The following ABCC4 variants were observed in gnomAD, a reference collection of about 807,000 sequenced individuals.
ABCC4 encodes ATP binding cassette subfamily C member 4 (PEL blood group), also known as ATP-binding cassette sub-family C member 4.
In ABCC4, 102 loss-of-function variants were observed where a neutral mutation model predicts 168.5. The ratio of observed to expected loss-of-function variants is 0.61; its 90% CI spans 0.52 to 0.71. The LOEUF (loss-of-function observed/expected upper bound fraction) is 0.71. Among genes scored for constraint, ABCC4 ranks in the 30% least tolerant of loss-of-function variants. The pLI is 0.00. For synonymous variants in ABCC4, 617 were observed against 590.7 expected, an observed-to-expected ratio of 1.04 and a Z score of -0.65; for missense variants, 1,402 against 1,605.8, an observed-to-expected ratio of 0.87 and a Z score of 2.17.
At chr13:95,251,105 G>A (rs1181344077) in intron 1 of ABCC4, among the ~76,000 whole-genome samples, 1 of 152,090 alleles carries the variant, frequency 6.6e-6, no homozygotes, top group Non-Finnish European at 1.5e-5. Flanking sequence ...GTTTCTTAAT[G>A]TGGTATAAGA....
Position 95,206,623 on chromosome 13 carries a change from A to G in ABCC4, c.1070T>C (p.Leu357Pro). 4 of 1,614,152 alleles carry G rather than the reference A, an allele frequency of 2.5e-6. No individual in the cohort carries two copies. Among genetic ancestry groups the G allele is most frequent in the Non-Finnish European group, 3.4e-6 (4 of 1,180,018 alleles). Residue 357 changes from leucine to proline, a missense_variant, in exon 8 of 31, where the codon CTG becomes CCG. Coordinates refer to ENST00000645237, the MANE Select transcript of ABCC4 (RefSeq NM_005845.5). The part of the protein sequence containing the change: ...TASRVFVAVT[L>P]YGAVRLTVTL... ...AACCGTCAGCCGCACAGCCCCATAC[A>G]GCGTCACTGCCACGAACACGCGGCT...
chr13:95,030,116 G>C (rs899410304), intron 30 of ABCC4, among the ~76,000 whole-genome samples: 1 of 152,016 alleles, frequency 6.6e-6, no homozygotes, highest in African/African-American at 2.4e-5. Flanking sequence ...CATCTCCTGG[G>C]TTCAAGTGAT....
chr13:95,218,437 A>AGGG (rs1465730277), intron 4 of ABCC4, among the ~76,000 whole-genome samples: 4 of 152,250 alleles, frequency 2.6e-5, no homozygotes, highest in Non-Finnish European at 4.4e-5. Flanking sequence ...GAAAATGTCC[A>AGGG]TCCAAAATCA....
intron 29 of ABCC4, among the ~76,000 whole-genome samples, chr13:95,038,979 T>G (rs905434682): frequency 6.6e-6 from 1 of 152,058 alleles, no homozygotes; most frequent in African/African-American, 2.4e-5. Flanking sequence ...ACAGCAGGAA[T>G]GAGGGCAGAG....
Position 95,209,325 on chromosome 13 carries a change from A to G in ABCC4, c.785+109T>C. 1.0e-5 allele frequency: 13 copies of G among 1,287,368 alleles called. 1 individual carries two copies. The South Asian group carries it at 1.9e-4, about 19-fold the overall frequency. 79.7% of individuals were successfully genotyped at this position (1,287,368 alleles called of 1,614,324 possible). On this transcript the variant is annotated intron_variant, in intron 6 of 30. Transcript: ENST00000645237. ...GAGCCTGAAGAGCTGCAACATATGC[A>G]AGGAAGAGATAATAAAAGGCATTTA...
At position 95,182,854 on chromosome 13, in the gene ABCC4, G is replaced by C. The variant is rs1170866552; in HGVS notation, c.1545+3847C>G. 3.3e-5 allele frequency among the ~76,000 whole-genome samples: 5 copies of C among 152,048 alleles called. No homozygotes were observed. In the South Asian group the frequency reaches 6.2e-4, roughly 19 times the overall value. On this transcript the variant is annotated intron_variant, in intron 11 of 30. Coordinates refer to ENST00000645237, the MANE Select transcript of ABCC4 (RefSeq NM_005845.5). ...CTAACATTAGTATGTTGTTTCCTGAGGTATGTCCTGTCATTTGCTACGATA... is the reference window on the plus strand; with the variant it reads ...CTAACATTAGTATGTTGTTTCCTGACGTATGTCCTGTCATTTGCTACGATA...
chr13:95,054,675 C>G (rs2032988559), intron 26 of ABCC4, among the ~76,000 whole-genome samples: 1 of 152,166 alleles, frequency 6.6e-6, no homozygotes, highest in African/African-American at 2.4e-5. Context: ...AGGGGATGCA[C>G]AGATGTGGGA....
intron 8 of ABCC4, among the ~76,000 whole-genome samples, chr13:95,197,698 T>C (rs188232082): frequency 6.6e-5 from 10 of 152,272 alleles, no homozygotes; most frequent in East Asian, 1.9e-4. Context: ...GAGTGGACGG[T>C]TGGCAAAAAC....
chr13:95,297,451 T>C (rs2041566224), intron 1 of ABCC4, among the ~76,000 whole-genome samples: 1 of 152,160 alleles, frequency 6.6e-6, no homozygotes, highest in Non-Finnish European at 1.5e-5. Flanking sequence ...ATTGGCATCA[T>C]TTAGGTAGGC....
chr13:95,089,418 G>T (rs2034357869), intron 20 of ABCC4, among the ~76,000 whole-genome samples: 1 of 152,118 alleles, frequency 6.6e-6, no homozygotes, highest in Non-Finnish European at 1.5e-5. Context: ...AGGAGTTTGA[G>T]ACCAGCCTGG....
Position 95,043,509 on chromosome 13 carries a change from T to A in ABCC4, c.3735+173A>T, listed in dbSNP as rs2032448325. 1.5e-5 allele frequency: 8 copies of A among 521,374 alleles called. No individual in the cohort carries two copies. In the East Asian group the frequency reaches 2.3e-4, roughly 15 times the overall value. 32.3% of individuals were successfully genotyped at this position (521,374 alleles called of 1,614,324 possible). A position where few individuals can be genotyped will look rare whatever the true frequency, so the allele number is the denominator to read the frequency against. ...TATGCAAAGAGATACATTGGATATA[T>A]TGTTAGTAGCACTGAGGGTGTAGTT... On this transcript the variant is annotated intron_variant, in intron 29 of 30. Coordinates refer to ENST00000645237, the MANE Select transcript of ABCC4 (RefSeq NM_005845.5).
intron 19 of ABCC4, among the ~76,000 whole-genome samples, chr13:95,139,373 C>T (rs1197866657): frequency 6.6e-6 from 1 of 152,112 alleles, no homozygotes; most frequent in Admixed American, 6.5e-5. Context: ...AAATAAATAC[C>T]CAGTGGTCAA....
At chr13:95,284,844 A>G (rs2041220283) in intron 1 of ABCC4, among the ~76,000 whole-genome samples, 1 of 152,112 alleles carries the variant, frequency 6.6e-6, no homozygotes, top group Non-Finnish European at 1.5e-5. Flanking sequence ...AAATAATAGT[A>G]CCCACCCCAA....
chr13:95,188,730 C>T (rs1425497969), intron 9 of ABCC4, among the ~76,000 whole-genome samples, 188 bp from the exon 10 acceptor site: 1 of 152,052 alleles, frequency 6.6e-6, no homozygotes, highest in Non-Finnish European at 1.5e-5. Context: ...GGGTTTTACA[C>T]AGTTTGGAGT....
chr13:95,225,153 T>TCACA (rs61398515), intron 4 of ABCC4, among the ~76,000 whole-genome samples: 151 of 35,246 alleles, frequency 4.3e-3, no homozygotes, highest in Non-Finnish European at 4.4e-3. Context: ...TCTCTCTCTC[T>TCACA]CACACACACA....
At chr13:95,152,973 C>T (rs767400758) in intron 19 of ABCC4, among the ~76,000 whole-genome samples, 12 of 152,244 alleles carry the variant, frequency 7.9e-5, no homozygotes, top group Non-Finnish European at 1.6e-4. Flanking sequence ...ACAACTTCCA[C>T]TTAGTGTCCA....
intron 19 of ABCC4, among the ~76,000 whole-genome samples, chr13:95,138,698 T>G (rs902995537): frequency 6.6e-6 from 1 of 152,210 alleles, no homozygotes; most frequent in Non-Finnish European, 1.5e-5. Context: ...TCCCTATTTT[T>G]ACTCTTAATA....
At chr13:95,213,928 C>T (rs1484425901) in intron 4 of ABCC4, among the ~76,000 whole-genome samples, 2 of 151,750 alleles carry the variant, frequency 1.3e-5, no homozygotes, top group African/African-American at 4.8e-5. Flanking sequence ...AAAATGTGAC[C>T]TGTAATCAAA....
intron 24 of ABCC4, 88 bp downstream of exon 24, chr13:95,073,116 C>A: frequency 4.0e-6 from 4 of 1,004,562 alleles, no homozygotes; most frequent in Admixed American, 2.5e-5. Context: ...GTAAAAATAA[C>A]AGTTTTAATA....
Sources: gnomAD v4.1 joint callset for allele counts (sites outside exome capture counted in the v4.1 genomes callset) on GRCh38, gnomAD v4.1.1 for gene constraint, MANE v1.5 for transcripts, NCBI Gene and HGNC (gene_info 2026-07-23, HGNC 2026-07-21) for gene names.